The following MCOLN3 variants were observed in gnomAD, a reference collection of about 807,000 sequenced individuals.
MCOLN3 encodes the protein mucolipin-3.
In MCOLN3, 62 loss-of-function variants were observed where a neutral mutation model predicts 69.4. The ratio of observed to expected loss-of-function variants is 0.89; its 90% CI spans 0.73 to 1.10. The LOEUF (loss-of-function observed/expected upper bound fraction) is 1.10, where lower values mean the gene tolerates loss of function less well. Among genes scored for constraint, MCOLN3 ranks in the 50% least tolerant of loss-of-function variants. The pLI, the probability that MCOLN3 is intolerant of heterozygous loss-of-function variation, is 0.00. For missense variants in MCOLN3, 564 were observed against 656.4 expected, an observed-to-expected ratio of 0.86 and a Z score of 1.54; for synonymous variants, 183 against 217.0, an observed-to-expected ratio of 0.84 and a Z score of 1.38.
intron 6 of MCOLN3, among the ~76,000 whole-genome samples, chr1:85,030,737 G>A (rs1019591817): frequency 6.6e-6 from 1 of 152,034 alleles, no homozygotes; most frequent in African/African-American, 2.4e-5. Flanking sequence ...CCAACAGATG[G>A]GAAATAACAT....
chr1:85,021,217 CAT>C lies in MCOLN3; in HGVS notation c.1378_1379del (p.Met460ValfsTer18), dbSNP rs1340780138. Reference sequence around the variant, plus strand: ...GCTGCATTTTTGCAAACGTGGCAAACATATCATCTCCATTTATCAGAGAGAAA... The same window carrying C: ...GCTGCATTTTTGCAAACGTGGCAAACATCATCTCCATTTATCAGAGAGAAA... ...CLFSLINGDD[M>X]FATFAKMQQK... On this transcript the variant is annotated frameshift_variant, in exon 12 of 13. Transcript: ENST00000370589. LOFTEE classifies it high-confidence loss of function. The C allele has an allele frequency of 6.2e-7, 1 of 1,613,858 alleles. No homozygotes were observed. The highest frequency in any genetic ancestry group is 8.5e-7 in the Non-Finnish European group (1 of 1,179,876).
intron 2 of MCOLN3, among the ~76,000 whole-genome samples, chr1:85,043,756 G>C (rs990613969): frequency 2.6e-5 from 4 of 151,872 alleles, no homozygotes; most frequent in African/African-American, 9.7e-5. Context: ...ATTTGGCTGA[G>C]AACTGAACAT....
At chr1:85,030,289 C>T (rs1023826755) in intron 6 of MCOLN3, among the ~76,000 whole-genome samples, 1 of 152,204 alleles carries the variant, frequency 6.6e-6, no homozygotes, top group Non-Finnish European at 1.5e-5. Context: ...GAGTAAAAAA[C>T]TGGGACTTAA....
chr1:85,034,036 C>A (rs556770007), intron 4 of MCOLN3, 62 bp downstream of exon 4: 5 of 1,524,828 alleles, frequency 3.3e-6, no homozygotes, highest in Non-Finnish European at 4.5e-6. Flanking sequence ...GATGAAATTA[C>A]TAATTTTAAA....
In MCOLN3 at chr1:85,019,100, T is replaced by C; in HGVS notation, c.*23A>G. On this transcript the variant is annotated 3_prime_UTR_variant, in exon 13 of 13. Transcript: ENST00000370589. ...CTCAGCTACACATTATATTTTCCTC[T>C]AAAGTACAGATAAACCTGATAGCTA... 6.2e-7 allele frequency: 1 copy of C among 1,608,788 alleles called. No homozygotes were observed. Among genetic ancestry groups the C allele is most frequent in the Non-Finnish European group, 8.5e-7 (1 of 1,176,630 alleles).
intron 12 of MCOLN3, among the ~76,000 whole-genome samples, chr1:85,019,983 C>T (rs1445949412): frequency 6.6e-6 from 1 of 152,174 alleles, no homozygotes; most frequent in African/African-American, 2.4e-5. Flanking sequence ...AAGAGGTTAG[C>T]GTCTAAAATA....
At chr1:85,021,710 T>A (rs1651946318) in intron 11 of MCOLN3, among the ~76,000 whole-genome samples, 1 of 145,576 alleles carries the variant, frequency 6.9e-6, no homozygotes, top group African/African-American at 2.4e-5. Flanking sequence ...TTTCAAATAT[T>A]TCTACAAGTT....
At chr1:85,033,821 T>A (rs997454065) in intron 4 of MCOLN3, among the ~76,000 whole-genome samples, 2 of 152,212 alleles carry the variant, frequency 1.3e-5, no homozygotes, top group African/African-American at 4.8e-5. Context: ...CTGCCTCTTC[T>A]AGCTCCATCT....
At chr1:85,020,758 A>G (rs1557680127) in intron 12 of MCOLN3, among the ~76,000 whole-genome samples, 1 of 152,178 alleles carries the variant, frequency 6.6e-6, no homozygotes, top group Admixed American at 6.5e-5. Flanking sequence ...TATTCACACA[A>G]TATCTACTAA....
chr1:85,048,095 C>T (rs1461299819), intron 1 of MCOLN3, among the ~76,000 whole-genome samples: 1 of 152,244 alleles, frequency 6.6e-6, no homozygotes, highest in Non-Finnish European at 1.5e-5. Flanking sequence ...GCCCTGGCCA[C>T]AGGTGGGCGG....
At chr1:85,030,987 T>C (rs1229012699) in intron 6 of MCOLN3, among the ~76,000 whole-genome samples, 3 of 152,044 alleles carry the variant, frequency 2.0e-5, no homozygotes, top group African/African-American at 4.8e-5. Context: ...AGAGATACAG[T>C]GAGGGCCGGG....
intron 6 of MCOLN3, among the ~76,000 whole-genome samples, chr1:85,031,778 T>C (rs944308121): frequency 1.3e-5 from 2 of 151,962 alleles, no homozygotes; most frequent in African/African-American, 4.8e-5. Flanking sequence ...ATTGACTGTT[T>C]AAAGAAAAAA....
At chr1:85,026,990 G>C (rs1438688707) in intron 7 of MCOLN3, among the ~76,000 whole-genome samples, 2 of 151,906 alleles carry the variant, frequency 1.3e-5, no homozygotes. Context: ...CTGGTCTCAA[G>C]TGATCCTCTC....
intron 6 of MCOLN3, chr1:85,030,073 C>A (rs143093159): frequency 6.6e-6 from 1 of 152,208 alleles, no homozygotes; most frequent in Admixed American, 6.5e-5. Flanking sequence ...GGATTGTAAG[C>A]TTCTTTCTTT....
At chr1:85,034,368 A>G in intron 3 of MCOLN3, 117 bp from the exon 4 acceptor site, 2 of 966,044 alleles carry the variant, frequency 2.1e-6, no homozygotes, top group South Asian at 1.6e-5. Context: ...AGAGACATTC[A>G]CTTTGATAAA....
intron 4 of MCOLN3, among the ~76,000 whole-genome samples, chr1:85,033,190 T>C (rs1024498730): frequency 6.6e-6 from 1 of 152,216 alleles, no homozygotes. Context: ...TAGACAAAGA[T>C]CTGAACTCTA....
intron 6 of MCOLN3, among the ~76,000 whole-genome samples, chr1:85,031,143 T>C (rs1015529954): frequency 1.3e-5 from 2 of 151,876 alleles, no homozygotes; most frequent in Non-Finnish European, 2.9e-5. Flanking sequence ...TGGTAACGTG[T>C]GCCTGTAGTC....
intron 3 of MCOLN3, among the ~76,000 whole-genome samples, chr1:85,034,987 G>A (rs1205999842): frequency 6.6e-6 from 1 of 152,178 alleles, no homozygotes; most frequent in African/African-American, 2.4e-5. Context: ...AAAGATATGA[G>A]TGAAGCATGC....
At chr1:85,029,253 C>A in intron 6 of MCOLN3, 48 bp from the exon 7 acceptor site, 2 of 1,142,546 alleles carry the variant, frequency 1.8e-6, no homozygotes, top group Non-Finnish European at 2.6e-6. Flanking sequence ...GTTTTGGAGC[C>A]AAGAAACCTC....
Sources: allele counts gnomAD v4.1 joint callset (sites outside exome capture counted in the v4.1 genomes callset), GRCh38; gene constraint gnomAD v4.1.1; transcripts MANE v1.5; gene names NCBI Gene and HGNC (gene_info 2026-07-23, HGNC 2026-07-21).